Variants in PPP1R13B observed in about 807,000 individuals in gnomAD.
PPP1R13B encodes protein phosphatase 1 regulatory subunit 13B, also known as apoptosis-stimulating of p53 protein 1.
Under a neutral mutation model 119.8 loss-of-function variants are expected in PPP1R13B, and 44 were observed. The ratio of observed to expected loss-of-function variants is 0.37; its 90% CI spans 0.29 to 0.47. The LOEUF is 0.47. PPP1R13B is among the 20% of genes least tolerant of loss of function. The pLI is 0.99. For synonymous variants in PPP1R13B, 542 were observed against 561.5 expected (o/e 0.97, Z 0.49); for missense variants, 1,227 against 1,413.5 (o/e 0.87, Z 2.12).
intron 1 of PPP1R13B, among the ~76,000 whole-genome samples, chr14:103,816,609 C>T (rs1030652184): frequency 1.3e-5 from 2 of 148,972 alleles, no homozygotes; most frequent in South Asian, 4.2e-4. Context: ...CGCTTGTACC[C>T]GGGAGGTGGA....
chr14:103,821,527 G>A (rs907373457), intron 1 of PPP1R13B, among the ~76,000 whole-genome samples: 1 of 152,100 alleles, frequency 6.6e-6, no homozygotes, highest in Non-Finnish European at 1.5e-5. Flanking sequence ...TGAGGTGGGC[G>A]GATCACCTGA....
chr14:103,810,086 A>C (rs933145808), intron 1 of PPP1R13B, among the ~76,000 whole-genome samples: 6 of 151,770 alleles, frequency 4.0e-5, no homozygotes, highest in African/African-American at 1.4e-4. Context: ...GGCCTCCCAA[A>C]GTGCTGGAAT....
chr14:103,784,103 G>A (rs1022234542), intron 3 of PPP1R13B, among the ~76,000 whole-genome samples: 4 of 152,120 alleles, frequency 2.6e-5, no homozygotes, highest in African/African-American at 9.7e-5. Context: ...TTGCACCCAG[G>A]AGGCAGAGGT....
At chr14:103,794,680 C>A in intron 2 of PPP1R13B, 1 of 437,288 alleles carries the variant, frequency 2.3e-6, no homozygotes, top group Non-Finnish European at 4.6e-6. Context: ...AAAAAAAAAT[C>A]TCTGTAAGGG....
At position 103,734,366 on chromosome 14, in the gene PPP1R13B, C is replaced by A; in HGVS notation, c.*788G>T. ...CCCTCCGCTGCCACGGCCTCCAGCA[C>A]CTGACTCCATTCAGGGAACTGAATT... On this transcript the variant is annotated 3_prime_UTR_variant, in exon 17 of 17. Coordinates refer to ENST00000202556, the MANE Select transcript of PPP1R13B (RefSeq NM_015316.3). 2 of 385,408 alleles carry A rather than the reference C, an allele frequency of 5.2e-6. No homozygotes were observed. Among genetic ancestry groups the A allele is most frequent in the Non-Finnish European group, 5.3e-6 (1 of 189,888 alleles). 23.9% of individuals were successfully genotyped at this position (385,408 alleles called of 1,614,324 possible).
chr14:103,797,450 T>G lies in PPP1R13B; in HGVS notation c.78A>C (p.Thr26=). The G allele has an allele frequency of 1.2e-6, 2 of 1,614,018 alleles. No individual in the cohort carries two copies. The highest frequency in any genetic ancestry group is 1.7e-6 in the Non-Finnish European group (2 of 1,179,908). ...ILTEVPITPE[T]TCRDVVEFCK... ...AAAATTCTACAACATCTCGACAGGT[T>G]GTTTCCGGTGTTATAGGAACTTCTG... The change falls in exon 2 of 17, where the codon ACA becomes ACC. Residue 26 remains threonine (T), a synonymous_variant. Coordinates refer to ENST00000202556, the MANE Select transcript of PPP1R13B (RefSeq NM_015316.3).
intron 3 of PPP1R13B, among the ~76,000 whole-genome samples, chr14:103,783,170 T>C (rs2152022716): frequency 6.6e-6 from 1 of 152,244 alleles, no homozygotes; most frequent in Non-Finnish European, 1.5e-5. Flanking sequence ...CTTTGCAATA[T>C]GAGCTACAAA....
chr14:103,765,984 A>AT (rs1277055527), intron 4 of PPP1R13B, among the ~76,000 whole-genome samples: 3 of 111,776 alleles, frequency 2.7e-5, no homozygotes, highest in African/African-American at 1.1e-4. Context: ...GGAAATTTTT[A>AT]TTTTATTATT....
At chr14:103,757,050 C>T (rs1365967064) in intron 5 of PPP1R13B, among the ~76,000 whole-genome samples, 1 of 151,786 alleles carries the variant, frequency 6.6e-6, no homozygotes, top group Non-Finnish European at 1.5e-5. Context: ...GAGTGAGCCA[C>T]TGCACCCAGC....
At chr14:103,823,787 T>C (rs2086468497) in intron 1 of PPP1R13B, among the ~76,000 whole-genome samples, 1 of 152,308 alleles carries the variant, frequency 6.6e-6, no homozygotes, top group East Asian at 1.9e-4. Context: ...AATCCTGTTT[T>C]TTAAAGTATC....
intron 15 of PPP1R13B, chr14:103,736,480 C>G: frequency 1.9e-6 from 1 of 527,546 alleles, no homozygotes; most frequent in Non-Finnish European, 3.4e-6. Context: ...GTGTGCTGTT[C>G]TTAAGGTGAC....
At chr14:103,762,914 A>T in intron 4 of PPP1R13B, 1 of 946,152 alleles carries the variant, frequency 1.1e-6, no homozygotes, top group South Asian at 1.4e-5. Context: ...CATCAGGACA[A>T]ACAGCCTTGT....
At chr14:103,757,846 A>T (rs2084715050) in intron 4 of PPP1R13B, 95 bp from the exon 5 acceptor site, 7 of 1,019,036 alleles carry the variant, frequency 6.9e-6, no homozygotes, top group Non-Finnish European at 1.1e-5. Flanking sequence ...TTTAGATAGG[A>T]TCCCTAGTAG....
At chr14:103,831,272 A>C (rs2086659364) in intron 1 of PPP1R13B, among the ~76,000 whole-genome samples, 1 of 151,388 alleles carries the variant, frequency 6.6e-6, no homozygotes, top group African/African-American at 2.4e-5. Flanking sequence ...TAATGAGTTA[A>C]ATAAAATATA....
chr14:103,797,803 C>T (rs1395035638), intron 1 of PPP1R13B, among the ~76,000 whole-genome samples: 1 of 151,448 alleles, frequency 6.6e-6, no homozygotes, highest in Non-Finnish European at 1.5e-5. Context: ...ATCAATGGGG[C>T]AAAGTCATAC....
chr14:103,738,657 C>A lies in PPP1R13B; in HGVS notation c.2864+22G>T. The A allele has an allele frequency of 6.2e-7, 1 of 1,613,444 alleles. No individual in the cohort carries two copies. Among genetic ancestry groups the A allele is most frequent in the Non-Finnish European group, 8.5e-7 (1 of 1,179,432 alleles). The stretch of plus-strand genomic sequence containing the variant: ...AAGCAGGGAAAGTAAATCTGTCCAC[C>A]CCACACTCCTACGGGCCTCACCATC... On this transcript the variant is annotated intron_variant, in intron 14 of 16. Transcript: ENST00000202556. The surrounding 1 kb of genome is among the most constrained non-coding windows in gnomAD (Gnocchi z 5.6).
intron 8 of PPP1R13B, 67 bp downstream of exon 8, chr14:103,749,727 C>T (rs1160465810): frequency 2.6e-6 from 4 of 1,509,844 alleles, no homozygotes; most frequent in Non-Finnish European, 3.6e-6. Flanking sequence ...CTGCTACTTA[C>T]AGAAGATGGG....
At chr14:103,761,005 T>A (rs370361398) in intron 4 of PPP1R13B, among the ~76,000 whole-genome samples, 1 of 152,202 alleles carries the variant, frequency 6.6e-6, no homozygotes, top group South Asian at 2.1e-4. Context: ...TAATGTACTA[T>A]TGAAATATTT....
chr14:103,778,767 C>T lies in PPP1R13B; in HGVS notation c.332G>A (p.Gly111Glu). 1 of 1,613,850 alleles carries T rather than the reference C, an allele frequency of 6.2e-7. No individual in the cohort carries two copies. The highest frequency in any genetic ancestry group is 8.5e-7 in the Non-Finnish European group (1 of 1,179,838). ...TACCCCATTTTCAGTACGTTTTTCT[C>T]CAGGTACATTTATTACATTTCTCTG... is the stretch of plus-strand genomic sequence containing the variant. ...RTQRNVINVP[G>E]EKRTENGVGN... is the part of the protein sequence containing the mutation. The change falls in exon 4 of 17, where the codon GGA becomes GAA. Residue 111 changes from glycine (G) to glutamate (E), a missense_variant. Transcript: ENST00000202556.
Sources: allele counts gnomAD v4.1 joint callset (sites outside exome capture counted in the v4.1 genomes callset), GRCh38; gene constraint gnomAD v4.1.1; non-coding constraint Gnocchi (gnomAD v3.1); transcripts MANE v1.5; gene names NCBI Gene and HGNC (gene_info 2026-07-23, HGNC 2026-07-21).